The following MORN5 variants were observed in gnomAD, a reference collection of about 807,000 sequenced individuals.
The protein encoded by MORN5 is MORN repeat containing 5.
MORN5 carries 21 observed loss-of-function variants against 22.1 expected under a neutral mutation model. The observed-to-expected ratio is 0.95, with a 90% CI of 0.67 to 1.37. MORN5 has a LOEUF of 1.37. Ranked by LOEUF, MORN5 falls within the 40% of genes most tolerant of loss-of-function variation. The pLI, the probability that MORN5 is intolerant of heterozygous loss-of-function variation, is 0.00. For missense variants in MORN5, 211 were observed against 215.1 expected, an observed-to-expected ratio of 0.98 and a Z score of 0.12; for synonymous variants, 73 against 74.0, an observed-to-expected ratio of 0.99 and a Z score of 0.07.
chr9:122,164,571 GGGA>G (rs1829249237), intron 1 of MORN5: 2 of 985,554 alleles, frequency 2.0e-6, no homozygotes, highest in Non-Finnish European at 1.2e-6. Flanking sequence ...TGCTGCTTAG[GGGA>G]GGAGGAGATG....
intron 4 of MORN5, among the ~76,000 whole-genome samples, chr9:122,182,673 C>T (rs1588308296): frequency 6.6e-6 from 1 of 152,198 alleles, no homozygotes; most frequent in Non-Finnish European, 1.5e-5. Flanking sequence ...ATTGCTTGAA[C>T]CTGGGAGGCA....
intron 4 of MORN5, among the ~76,000 whole-genome samples, chr9:122,186,161 TTA>T (rs1345155269): frequency 4.6e-5 from 7 of 152,148 alleles, no homozygotes; most frequent in African/African-American, 1.7e-4. Flanking sequence ...GGAAAGAAAG[TTA>T]TGAGTATTGA....
intron 4 of MORN5, among the ~76,000 whole-genome samples, chr9:122,191,476 C>T (rs1487840750): frequency 6.6e-6 from 1 of 152,214 alleles, no homozygotes; most frequent in Non-Finnish European, 1.5e-5. Context: ...CCATCTCACT[C>T]ACTGAGGAGA....
rs553683769 is a variant in MORN5, at chr9:122,166,772, G to A, written c.52G>A (p.Glu18Lys). Residue 18 changes from glutamate (E) to lysine (K), a missense_variant, in exon 2 of 5, where the codon GAG (glutamate) becomes AAG (lysine). Glu to Lys is a moderately conservative substitution (Grantham distance 56, BLOSUM62 1). Coordinates refer to ENST00000373764, the MANE Select transcript of MORN5 (RefSeq NM_198469.4). ...YIGEYVDGRM[E>K]GKAKYILPTE... ...GATTTCCCTGTGTCTTTACAGGATG[G>A]AGGGCAAAGCCAAGTACATCCTCCC... 1.2e-6 allele frequency: 2 copies of A among 1,613,286 alleles called. No homozygotes were observed. Among genetic ancestry groups the A allele is most frequent in the Admixed American group, 1.7e-5 (1 of 59,948 alleles).
Position 122,197,805 on chromosome 9 carries a change from G to C in MORN5, c.440-2080G>C, listed in dbSNP as rs951919003. Among the ~76,000 whole-genome samples the C allele has an allele frequency of 6.6e-6, 1 of 152,214 alleles. No homozygotes were observed. Among genetic ancestry groups the C allele is most frequent in the Non-Finnish European group, 1.5e-5 (1 of 68,038 alleles). On this transcript the variant is annotated intron_variant, in intron 4 of 4. Transcript: ENST00000373764. The surrounding 1 kb of genome is among the most constrained non-coding windows in gnomAD (Gnocchi z 5.7). ...AATTATCAACCAGGCTGCTCACAGTGTGGCAAAAGTGGGCTCCACCAGCGC... is the reference window on the plus strand; with the variant it reads ...AATTATCAACCAGGCTGCTCACAGTCTGGCAAAAGTGGGCTCCACCAGCGC...
chr9:122,163,641 A>G (rs758400622), intron 1 of MORN5, among the ~76,000 whole-genome samples: 1 of 152,190 alleles, frequency 6.6e-6, no homozygotes, highest in Non-Finnish European at 1.5e-5. Flanking sequence ...TCAGTTTGGC[A>G]GGAGAGTGGG....
chr9:122,192,568 A>C (rs1177408253), intron 4 of MORN5, among the ~76,000 whole-genome samples: 1 of 152,060 alleles, frequency 6.6e-6, no homozygotes, highest in Non-Finnish European at 1.5e-5. Context: ...CACTAATGTC[A>C]CCTGGTGACC....
chr9:122,162,386 A>G (rs1467602963), intron 1 of MORN5, among the ~76,000 whole-genome samples: 3 of 152,230 alleles, frequency 2.0e-5, no homozygotes, highest in African/African-American at 7.2e-5. Context: ...TAGACTCTCC[A>G]TGGCTGATAG....
chr9:122,193,485 T>C (rs896196896), intron 4 of MORN5, among the ~76,000 whole-genome samples: 2 of 152,138 alleles, frequency 1.3e-5, no homozygotes, highest in African/African-American at 4.8e-5. Context: ...CTCAGGAGAC[T>C]GAGGCAGGAG....
intron 4 of MORN5, among the ~76,000 whole-genome samples, chr9:122,191,991 CTTCCA>C (rs1409973066): frequency 6.6e-6 from 1 of 152,226 alleles, no homozygotes; most frequent in Non-Finnish European, 1.5e-5. Context: ...GTGATTGTAG[CTTCCA>C]TTCCTGGGTG....
intron 4 of MORN5, chr9:122,175,579 C>T (rs1175361184): frequency 2.4e-6 from 2 of 816,834 alleles, no homozygotes; most frequent in Non-Finnish European, 3.0e-6. Flanking sequence ...CCAATGCATG[C>T]ACACACACAC....
At chr9:122,160,081 T>C in intron 1 of MORN5, 62 bp downstream of exon 1, 1 of 1,497,132 alleles carries the variant, frequency 6.7e-7, no homozygotes, top group Non-Finnish European at 9.1e-7. Context: ...AAAAGACGGC[T>C]TTTTGCTTCT....
At chr9:122,170,867 A>G (rs1295175999) in intron 3 of MORN5, among the ~76,000 whole-genome samples, 1 of 152,156 alleles carries the variant, frequency 6.6e-6, no homozygotes, top group East Asian at 1.9e-4. Context: ...TAGGAGAAAT[A>G]CCTAATGTAG....
At chr9:122,161,112 T>C (rs995456064) in intron 1 of MORN5, among the ~76,000 whole-genome samples, 4 of 152,346 alleles carry the variant, frequency 2.6e-5, no homozygotes, top group South Asian at 2.1e-4. Flanking sequence ...TCTGTTTTTA[T>C]AGCTGAGGAA....
At chr9:122,188,658 A>G (rs1829694772) in intron 4 of MORN5, among the ~76,000 whole-genome samples, 1 of 152,230 alleles carries the variant, frequency 6.6e-6, no homozygotes, top group African/African-American at 2.4e-5. Flanking sequence ...CTGCCTTAGG[A>G]CAGCAGCTAG....
At chr9:122,192,743 T>A (rs1829798753) in intron 4 of MORN5, among the ~76,000 whole-genome samples, 1 of 152,196 alleles carries the variant, frequency 6.6e-6, no homozygotes, top group African/African-American at 2.4e-5. Flanking sequence ...GTGGTAGGGC[T>A]GCCCAATCTA....
chr9:122,173,985 G>A (rs111887593), intron 3 of MORN5, among the ~76,000 whole-genome samples: 4 of 152,336 alleles, frequency 2.6e-5, no homozygotes, highest in African/African-American at 9.6e-5. Context: ...ATTTTGGCAA[G>A]AGTCAAAGTT....
chr9:122,177,591 C>A, intron 4 of MORN5, among the ~76,000 whole-genome samples: 1 of 152,148 alleles, frequency 6.6e-6, no homozygotes, highest in Non-Finnish European at 1.5e-5. Flanking sequence ...TGCCACCATG[C>A]CCAGCTAATT....
At chr9:122,160,314 G>C (rs941441943) in intron 1 of MORN5, among the ~76,000 whole-genome samples, 2 of 152,168 alleles carry the variant, frequency 1.3e-5, no homozygotes, top group Non-Finnish European at 2.9e-5. Flanking sequence ...TCCAGTTGGA[G>C]ATGTATTGCC....
Sources: gnomAD v4.1 joint callset for allele counts (sites outside exome capture counted in the v4.1 genomes callset) on GRCh38, gnomAD v4.1.1 for gene constraint, Gnocchi (gnomAD v3.1) non-coding constraint, MANE v1.5 for transcripts, NCBI Gene and HGNC (gene_info 2026-07-23, HGNC 2026-07-21) for gene names.